NRG1: variants seen among roughly 807,000 people sequenced by gnomAD.
NRG1 encodes the protein neuregulin 1, also known as pro-neuregulin-1, membrane-bound isoform.
NRG1 carries 18 observed loss-of-function variants against 63.8 expected under a neutral mutation model. The ratio of observed to expected loss-of-function variants is 0.28; its 90% CI spans 0.19 to 0.42. The LOEUF (loss-of-function observed/expected upper bound fraction) is 0.42, where lower values mean the gene tolerates loss of function less well. Among genes scored for constraint, NRG1 ranks in the 10% least tolerant of loss-of-function variants. The probability of loss-of-function intolerance (pLI) is 1.00; values close to 1 mark genes in which losing one functional copy is unlikely to be tolerated. For missense variants in NRG1, 762 were observed against 814.7 expected (o/e 0.94, Z 0.79); for synonymous variants, 302 against 301.3 (o/e 1.00, Z -0.02).
At chr8:31,688,684 G>A (rs1809165506) in intron 1 of NRG1, among the ~76,000 whole-genome samples, 1 of 152,110 alleles carries the variant, frequency 6.6e-6, no homozygotes, top group Non-Finnish European at 1.5e-5. Flanking sequence ...AAAATACACA[G>A]GTACGTGTAG....
intron 1 of NRG1, among the ~76,000 whole-genome samples, chr8:32,429,152 C>T (rs1032616865): frequency 2.0e-5 from 3 of 151,834 alleles, no homozygotes; most frequent in African/African-American, 4.8e-5. Flanking sequence ...GTCAACTAAA[C>T]GAACAGGCTG....
intron 1 of NRG1, among the ~76,000 whole-genome samples, chr8:31,859,934 T>A (rs557045356): frequency 2.4e-4 from 36 of 148,616 alleles, no homozygotes; most frequent in African/African-American, 8.2e-4. Flanking sequence ...CCTGCTTAGT[T>A]TTTTTTCCCA....
chr8:32,171,984 C>G (rs1388715251), intron 1 of NRG1, among the ~76,000 whole-genome samples: 1 of 152,270 alleles, frequency 6.6e-6, no homozygotes, highest in East Asian at 1.9e-4. Flanking sequence ...TGTCTGACAG[C>G]TTTGAAGAGA....
At chr8:32,640,620 G>GCGCA (rs375067455) in intron 5 of NRG1, among the ~76,000 whole-genome samples, 1 of 132,224 alleles carries the variant, frequency 7.6e-6, no homozygotes, top group African/African-American at 2.8e-5. Context: ...TCTCAGACCC[G>GCGCA]CACACACACA....
intron 1 of NRG1, among the ~76,000 whole-genome samples, chr8:32,085,388 G>A (rs541099036): frequency 2.6e-5 from 4 of 152,248 alleles, no homozygotes; most frequent in African/African-American, 9.6e-5. Context: ...GACTATTTTA[G>A]TTACCTCACA....
chr8:31,936,377 A>G (rs980298754), intron 1 of NRG1, among the ~76,000 whole-genome samples: 1 of 152,234 alleles, frequency 6.6e-6, no homozygotes, highest in African/African-American at 2.4e-5. Flanking sequence ...AAAGTGCTAT[A>G]CATAATCAGA....
Position 31,751,918 on chromosome 8 carries a change from A to AT in NRG1, c.37+112492dup, listed in dbSNP as rs1164089652. On this transcript the variant is annotated intron_variant, in intron 1 of 10. Transcript: ENST00000519301. ...AGACCTGAGTTTTATGAATTTGATCATTTTTCTAAATAAGTGCTTGATTAG... is the reference window on the plus strand; with the variant it reads ...AGACCTGAGTTTTATGAATTTGATCATTTTTTCTAAATAAGTGCTTGATTAG... Among the ~76,000 whole-genome samples, 11 of 152,042 alleles carry AT rather than the reference A, an allele frequency of 7.2e-5. No homozygotes were observed. In the South Asian group the frequency reaches 2.1e-3, roughly 29 times the overall value.
intron 5 of NRG1, chr8:32,648,169 G>A: frequency 6.2e-7 from 1 of 1,614,126 alleles, no homozygotes; most frequent in Non-Finnish European, 8.5e-7. Flanking sequence ...CAATCTGAAA[G>A]TGAGGTTCAA....
intron 1 of NRG1, among the ~76,000 whole-genome samples, chr8:31,869,709 GT>G (rs1352228985): frequency 1.3e-5 from 2 of 152,160 alleles, no homozygotes; most frequent in African/African-American, 4.8e-5. Context: ...TTTCCACCAA[GT>G]TTGAAACAGC....
At chr8:32,553,626 T>A (rs942226734) in intron 1 of NRG1, among the ~76,000 whole-genome samples, 2 of 152,190 alleles carry the variant, frequency 1.3e-5, no homozygotes, top group Non-Finnish European at 2.9e-5. Flanking sequence ...CTCTTTTTTC[T>A]GGCAACACTT....
intron 1 of NRG1, among the ~76,000 whole-genome samples, chr8:31,792,843 A>G (rs1189272776): frequency 6.6e-6 from 1 of 152,174 alleles, no homozygotes; most frequent in South Asian, 2.1e-4. Context: ...CTTGGAAACC[A>G]TTGTCGCATT....
At chr8:31,983,861 A>G (rs892111110) in intron 1 of NRG1, among the ~76,000 whole-genome samples, 2 of 152,120 alleles carry the variant, frequency 1.3e-5, no homozygotes, top group African/African-American at 2.4e-5. Flanking sequence ...GAGTCTTGCT[A>G]TAAGCTGAAT....
At chr8:32,405,716 G>T (rs1203435120) in intron 1 of NRG1, among the ~76,000 whole-genome samples, 1 of 151,992 alleles carries the variant, frequency 6.6e-6, no homozygotes, top group Non-Finnish European at 1.5e-5. Flanking sequence ...TCAAATCTCA[G>T]TTTACAATCA....
chr8:32,146,101 G>T (rs2131782804), intron 1 of NRG1, among the ~76,000 whole-genome samples: 1 of 152,286 alleles, frequency 6.6e-6, no homozygotes, highest in East Asian at 1.9e-4. Flanking sequence ...AAATCTAATT[G>T]CCCAGTGCCT....
intron 5 of NRG1, among the ~76,000 whole-genome samples, chr8:32,656,465 G>A (rs985384798): frequency 8.5e-5 from 13 of 152,274 alleles, no homozygotes; most frequent in African/African-American, 1.9e-4. Context: ...TGCTGTTCTA[G>A]ATATACACAC....
chr8:31,651,430 A>G (rs1804828698), intron 1 of NRG1, among the ~76,000 whole-genome samples: 1 of 152,182 alleles, frequency 6.6e-6, no homozygotes, highest in Admixed American at 6.5e-5. Flanking sequence ...TATTTTTACA[A>G]TGTAGATGGG....
chr8:31,823,155 C>T (rs1274990084), intron 1 of NRG1, among the ~76,000 whole-genome samples: 1 of 131,690 alleles, frequency 7.6e-6, no homozygotes, highest in African/African-American at 2.9e-5. Context: ...AGTTCTTGCA[C>T]CAAGTGACTG....
At chr8:32,568,217 A>C (rs939382160) in intron 1 of NRG1, among the ~76,000 whole-genome samples, 1 of 152,188 alleles carries the variant, frequency 6.6e-6, no homozygotes, top group African/African-American at 2.4e-5. Flanking sequence ...TACATGTCTA[A>C]AATACACCAT....
intron 1 of NRG1, among the ~76,000 whole-genome samples, chr8:32,110,392 T>C (rs980285991): frequency 3.3e-5 from 5 of 152,072 alleles, no homozygotes; most frequent in South Asian, 2.1e-4. Context: ...AGTGTTTTTT[T>C]AAAGGTGATA....
Sources: gnomAD v4.1 joint callset for allele counts (sites outside exome capture counted in the v4.1 genomes callset) on GRCh38, gnomAD v4.1.1 for gene constraint, MANE v1.5 for transcripts, NCBI Gene and HGNC (gene_info 2026-07-23, HGNC 2026-07-21) for gene names.